NUDCD1: variants seen among roughly 807,000 people sequenced by gnomAD.
The protein encoded by NUDCD1 is nudC domain-containing protein 1.
A neutral mutation model predicts 67.8 loss-of-function variants in NUDCD1; 60 were observed. That is an observed-to-expected ratio of 0.88 (90% CI 0.72 to 1.10). The LOEUF (loss-of-function observed/expected upper bound fraction) is 1.10. Ranked by LOEUF, NUDCD1 falls within the 50% of genes least tolerant of loss-of-function variation. The pLI, the probability that NUDCD1 is intolerant of heterozygous loss-of-function variation, is 0.00. For missense variants in NUDCD1, 643 were observed against 695.0 expected (o/e 0.93, Z 0.84); for synonymous variants, 244 against 230.8 (o/e 1.06, Z -0.52).
chr8:109,311,657 T>C (rs1429595277), intron 2 of NUDCD1, among the ~76,000 whole-genome samples: 1 of 151,078 alleles, frequency 6.6e-6, no homozygotes, highest in Non-Finnish European at 1.5e-5. Flanking sequence ...TTATTCTAAG[T>C]GAAGTAACTC....
chr8:109,241,597 A>C lies in NUDCD1; in HGVS notation c.*1412T>G, dbSNP rs548333158. On this transcript the variant is annotated 3_prime_UTR_variant, in exon 10 of 10. Transcript: ENST00000239690. The stretch of plus-strand genomic sequence containing the variant: ...ACTCCAATTGTCAATACCAGTCCTC[A>C]GGACCTTTCCTAACTTTCTACCTAG... 2 of 152,322 alleles carry C rather than the reference A, an allele frequency of 1.3e-5. No individual in the cohort carries two copies. Among genetic ancestry groups the C allele is most frequent in the African/African-American group, 2.4e-5 (1 of 41,474 alleles). The allele number at this position is 152,322 out of a possible 1,614,324, so 9.4% of individuals were successfully genotyped here.
intron 8 of NUDCD1, among the ~76,000 whole-genome samples, chr8:109,249,574 T>A (rs116256777): frequency 0.024 from 3,693 of 152,312 alleles, 140 homozygotes; most frequent in African/African-American, 0.084. Context: ...TCTATTTTTA[T>A]CAGTGGTTAC....
At chr8:109,323,139 G>T (rs995645825) in intron 1 of NUDCD1, among the ~76,000 whole-genome samples, 1 of 152,228 alleles carries the variant, frequency 6.6e-6, no homozygotes, top group East Asian at 1.9e-4. Context: ...CATGAAGATG[G>T]AAACTTTCAT....
At chr8:109,273,110 G>T (rs1418394701) in intron 7 of NUDCD1, among the ~76,000 whole-genome samples, 4 of 152,126 alleles carry the variant, frequency 2.6e-5, no homozygotes, top group Admixed American at 6.6e-5. Flanking sequence ...TGCTTTCCAA[G>T]GACCATTTGC....
intron 7 of NUDCD1, among the ~76,000 whole-genome samples, chr8:109,274,841 C>T (rs988535008): frequency 7.2e-5 from 11 of 152,048 alleles, no homozygotes; most frequent in Non-Finnish European, 1.2e-4. Context: ...TGATCTTACA[C>T]GTCATGAGAG....
intron 8 of NUDCD1, among the ~76,000 whole-genome samples, chr8:109,249,847 C>CTT (rs35856577): frequency 0.35 from 46,320 of 133,734 alleles, 8,934 homozygotes; most frequent in South Asian, 0.5. Flanking sequence ...TTGTTGAATT[C>CTT]TTTTTTTTTT....
chr8:109,270,349 A>C (rs1018174221), intron 8 of NUDCD1, among the ~76,000 whole-genome samples: 2 of 152,098 alleles, frequency 1.3e-5, no homozygotes, highest in African/African-American at 4.8e-5. Flanking sequence ...AAAGATTGGC[A>C]CAAGTTTATT....
Position 109,243,088 on chromosome 8 carries a change from C to T in NUDCD1, c.1673G>A (p.Gly558Glu), listed in dbSNP as rs763172759. ...ASLETNDPILGFQATNERLFV... is the reference protein window; with the variant it reads ...ASLETNDPILEFQATNERLFV... Reference sequence around the variant, plus strand: ...TAATCTCTCATTTGTTGCCTGAAATCCTAAAATAGGATCATTGGTTTCTAG... The same window carrying T: ...TAATCTCTCATTTGTTGCCTGAAATTCTAAAATAGGATCATTGGTTTCTAG... Residue 558 changes from glycine to glutamate, a missense_variant, in exon 10 of 10, where the codon GGA (glycine) becomes GAA (glutamate). By Grantham distance (98) the Gly-to-Glu change is moderately conservative. Coordinates refer to ENST00000239690, the MANE Select transcript of NUDCD1 (RefSeq NM_032869.4). 2.5e-6 allele frequency: 4 copies of T among 1,613,284 alleles called. No individual in the cohort carries two copies. The highest frequency in any genetic ancestry group is 1.7e-5 in the Admixed American group (1 of 59,976).
chr8:109,303,670 C>G (rs1242486458), intron 2 of NUDCD1, among the ~76,000 whole-genome samples: 1 of 152,020 alleles, frequency 6.6e-6, no homozygotes, highest in Non-Finnish European at 1.5e-5. Context: ...CCTTCACATC[C>G]TCCCCTTGTA....
chr8:109,318,963 T>G (rs1210126957), intron 2 of NUDCD1, among the ~76,000 whole-genome samples: 4 of 150,796 alleles, frequency 2.7e-5, no homozygotes, highest in African/African-American at 9.8e-5. Context: ...TTTATGTTTT[T>G]TTTTTTTTTT....
At chr8:109,320,950 G>A (rs1168339390) in intron 2 of NUDCD1, among the ~76,000 whole-genome samples, 1 of 152,160 alleles carries the variant, frequency 6.6e-6, no homozygotes, top group Non-Finnish European at 1.5e-5. Context: ...AGACATTGCA[G>A]GGGAAATAAT....
chr8:109,311,572 T>TATATATATATATATATATATATATATATA (rs1554617143), intron 2 of NUDCD1, among the ~76,000 whole-genome samples: 13 of 145,360 alleles, frequency 8.9e-5, no homozygotes, highest in South Asian at 2.3e-4. Context: ...TATATATATA[T>TATATATATATATATATATATATATATATA]GATGGGATAC....
rs753451607 is a variant in NUDCD1, at chr8:109,322,293, T to C, written c.273+16A>G. On this transcript the variant is annotated intron_variant, in intron 2 of 9. Coordinates refer to ENST00000239690, the MANE Select transcript of NUDCD1 (RefSeq NM_032869.4). ...TTACATACATATATTAATTATTACA[T>C]ACATGTTTCTCTTACCAGCATTACT... is the stretch of plus-strand genomic sequence containing the variant. 7.3e-7 allele frequency: 1 copy of C among 1,374,804 alleles called. No individual in the cohort carries two copies. Among genetic ancestry groups the C allele is most frequent in the Non-Finnish European group, 1.0e-6 (1 of 984,032 alleles). The allele number at this position is 1,374,804 out of a possible 1,614,324, so 85.2% of individuals were successfully genotyped here. A position where few individuals can be genotyped will look rare whatever the true frequency, so the allele number is the denominator to read the frequency against.
chr8:109,314,373 T>G (rs1195788775), intron 2 of NUDCD1, among the ~76,000 whole-genome samples: 2 of 152,154 alleles, frequency 1.3e-5, no homozygotes, highest in East Asian at 3.8e-4. Flanking sequence ...CTTTTTGCCA[T>G]GTCATGTATT....
chr8:109,312,384 A>T (rs1476452116), intron 2 of NUDCD1, among the ~76,000 whole-genome samples: 3 of 152,112 alleles, frequency 2.0e-5, no homozygotes, highest in Non-Finnish European at 4.4e-5. Context: ...GGCCAGAGAA[A>T]ACAATCTTAC....
chr8:109,259,592 C>T (rs1177900717), intron 8 of NUDCD1, among the ~76,000 whole-genome samples: 1 of 152,168 alleles, frequency 6.6e-6, no homozygotes, highest in Non-Finnish European at 1.5e-5. Flanking sequence ...ATGCCCTCCA[C>T]TTCACTGCCT....
intron 2 of NUDCD1, among the ~76,000 whole-genome samples, chr8:109,312,887 A>C (rs1158976288): frequency 1.3e-5 from 2 of 152,246 alleles, no homozygotes; most frequent in Non-Finnish European, 1.5e-5. Context: ...CTGAACACAG[A>C]TAAAACATCA....
At chr8:109,267,684 A>G (rs928131395) in intron 8 of NUDCD1, among the ~76,000 whole-genome samples, 8 of 152,240 alleles carry the variant, frequency 5.3e-5, no homozygotes, top group African/African-American at 1.9e-4. Context: ...ACCAGCAATT[A>G]AACTCTGAAA....
chr8:109,269,367 T>A (rs1814086688), intron 8 of NUDCD1, among the ~76,000 whole-genome samples: 2 of 152,212 alleles, frequency 1.3e-5, no homozygotes, highest in African/African-American at 4.8e-5. Context: ...TACACTGGTG[T>A]AATCTAGAAA....
Sources: gnomAD v4.1 joint callset for allele counts (sites outside exome capture counted in the v4.1 genomes callset) on GRCh38, gnomAD v4.1.1 for gene constraint, MANE v1.5 for transcripts, NCBI Gene and HGNC (gene_info 2026-07-23, HGNC 2026-07-21) for gene names.